The following DLC1 variants were observed in gnomAD, a reference collection of about 807,000 sequenced individuals.
The protein encoded by DLC1 is DLC1 Rho GTPase activating protein.
A neutral mutation model predicts 140.3 loss-of-function variants in DLC1; 54 were observed. The ratio of observed to expected loss-of-function variants is 0.38; its 90% CI spans 0.31 to 0.48. The LOEUF is 0.48. DLC1 is among the 20% of genes least tolerant of loss of function. The probability of loss-of-function intolerance (pLI) is 0.96; values close to 1 mark genes in which losing one functional copy is unlikely to be tolerated. For missense variants in DLC1, 2,536 were observed against 1,907.0 expected (o/e 1.33, Z -6.14); for synonymous variants, 986 against 728.1 (o/e 1.35, Z -5.70).
intron 1 of DLC1, among the ~76,000 whole-genome samples, chr8:13,587,995 C>A (rs974173477): frequency 6.6e-6 from 1 of 152,014 alleles, no homozygotes; most frequent in Non-Finnish European, 1.5e-5. Context: ...AGATCAAATT[C>A]CAAAGTCATT....
chr8:13,244,029 A>G (rs1421628388), intron 5 of DLC1, among the ~76,000 whole-genome samples: 5 of 152,186 alleles, frequency 3.3e-5, no homozygotes, highest in African/African-American at 1.2e-4. Flanking sequence ...CATTCCTTCA[A>G]GCACCCAAGG....
intron 4 of DLC1, among the ~76,000 whole-genome samples, chr8:13,368,816 TC>T (rs1835606116): frequency 6.6e-6 from 1 of 152,102 alleles, no homozygotes; most frequent in Non-Finnish European, 1.5e-5. Context: ...TCAGTCCATC[TC>T]TGATGATGGT....
chr8:13,143,481 G>C (rs2128972496), intron 5 of DLC1, among the ~76,000 whole-genome samples: 1 of 152,170 alleles, frequency 6.6e-6, no homozygotes, highest in Admixed American at 6.5e-5. Flanking sequence ...TTTGAGACAG[G>C]GTCTCAATCT....
chr8:13,155,127 C>T (rs1047993294), intron 5 of DLC1, among the ~76,000 whole-genome samples: 6 of 124,846 alleles, frequency 4.8e-5, no homozygotes, highest in South Asian at 2.6e-4. Context: ...CTACAACTTG[C>T]GCTGCTTTTT....
At chr8:13,116,077 T>C (rs1379986413) in intron 5 of DLC1, 2 of 935,918 alleles carry the variant, frequency 2.1e-6, no homozygotes, top group Non-Finnish European at 1.3e-6. Flanking sequence ...CACGCTAAAA[T>C]AGAATTTATC....
intron 5 of DLC1, among the ~76,000 whole-genome samples, chr8:13,186,642 C>G (rs554498809): frequency 6.6e-6 from 1 of 152,188 alleles, no homozygotes; most frequent in Non-Finnish European, 1.5e-5. Context: ...CTTCTGAAGC[C>G]TACTTCTGTC....
intron 1 of DLC1, among the ~76,000 whole-genome samples, chr8:13,531,412 C>G (rs768891504): frequency 6.6e-6 from 1 of 152,004 alleles, no homozygotes; most frequent in South Asian, 2.1e-4. Context: ...ATGGTGAAAC[C>G]CCATCTCTAC....
At position 13,587,602 on chromosome 8, in the gene DLC1, C is replaced by CATATATATAT. The variant is rs3066503; in HGVS notation, c.-126+16925_-126+16934dup. Among the ~76,000 whole-genome samples, 6 of 142,094 alleles carry CATATATATAT rather than the reference C, an allele frequency of 4.2e-5. No homozygotes were observed. The East Asian group carries it at 6.2e-4, about 15-fold the overall frequency. The allele number at this position is 142,094 out of a possible 152,430, so 93.2% of individuals were successfully genotyped here. A position where few individuals can be genotyped will look rare whatever the true frequency, so the allele number is the denominator to read the frequency against. ...AGAAAATATATATATATATACATTG[C>CATATATATAT]ATATATATATATATATATATATACA... On this transcript the variant is annotated intron_variant, in intron 1 of 1. Transcript: ENST00000631382.
intron 2 of DLC1, among the ~76,000 whole-genome samples, chr8:13,415,103 C>A (rs980452868): frequency 4.6e-5 from 7 of 152,062 alleles, no homozygotes; most frequent in African/African-American, 1.7e-4. Flanking sequence ...TGAGCCACTG[C>A]GCCTGGCCCA....
In DLC1 at chr8:13,468,287, G is replaced by A. The variant is rs1054524081; in HGVS notation, c.1023+30762C>T. Among the ~76,000 whole-genome samples the A allele has an allele frequency of 1.6e-4, 24 of 149,924 alleles. 1 individual carries two copies. The Admixed American group carries it at 1.6e-3, about 10-fold the overall frequency. On this transcript the variant is annotated intron_variant, in intron 2 of 17. Coordinates refer to ENST00000276297, the MANE Select transcript of DLC1 (RefSeq NM_182643.3). ...TTACCTTCTTAATCTTTACTTCATCGGTAATAATAGTTCTTTTTTCCTTTC... is the reference window on the plus strand; with the variant it reads ...TTACCTTCTTAATCTTTACTTCATCAGTAATAATAGTTCTTTTTTCCTTTC...
intron 14 of DLC1, among the ~76,000 whole-genome samples, chr8:13,090,737 A>C (rs916513592): frequency 6.6e-6 from 1 of 152,036 alleles, no homozygotes; most frequent in Non-Finnish European, 1.5e-5. Context: ...TGGTCAAAGC[A>C]GGTTTCTCAG....
intron 2 of DLC1, among the ~76,000 whole-genome samples, chr8:13,447,680 AG>A (rs1798842807): frequency 6.6e-6 from 1 of 152,230 alleles, no homozygotes; most frequent in Non-Finnish European, 1.5e-5. Context: ...CAAAGAGGGT[AG>A]GTGAAGATTA....
chr8:13,572,888 G>T lies in DLC1; in HGVS notation c.-126+31649C>A, dbSNP rs114018745. On this transcript the variant is annotated intron_variant, in intron 1 of 1. Transcript: ENST00000631382. Reference sequence around the variant, plus strand: ...TAATATTTTTATTACTGTGCTTTGAGTAAGTTTTGAAATCATGAAACATGG... The same window carrying T: ...TAATATTTTTATTACTGTGCTTTGATTAAGTTTTGAAATCATGAAACATGG... Among the ~76,000 whole-genome samples, 1,317 of 152,220 alleles carry T rather than the reference G, an allele frequency of 8.7e-3. 17 individuals carry two copies. Among genetic ancestry groups the T allele is most frequent in the African/African-American group, 0.03 (1,239 of 41,542 alleles).
chr8:13,136,794 CAA>C (rs1419791196), intron 5 of DLC1, among the ~76,000 whole-genome samples: 2 of 152,180 alleles, frequency 1.3e-5, no homozygotes, highest in African/African-American at 4.8e-5. Context: ...CTTGGCCTCC[CAA>C]AGTGTTGGGA....
At chr8:13,231,719 G>A (rs904583505) in intron 5 of DLC1, among the ~76,000 whole-genome samples, 2 of 152,146 alleles carry the variant, frequency 1.3e-5, no homozygotes, top group African/African-American at 4.8e-5. Flanking sequence ...AAAGTCACAA[G>A]GCATACATTA....
intron 5 of DLC1, among the ~76,000 whole-genome samples, chr8:13,222,234 T>G (rs1828592653): frequency 6.6e-6 from 1 of 152,050 alleles, no homozygotes; most frequent in African/African-American, 2.4e-5. Context: ...ACTCACTTTT[T>G]GCTATCATAA....
chr8:13,412,777 A>G (rs1311338920), intron 2 of DLC1, among the ~76,000 whole-genome samples: 1 of 151,840 alleles, frequency 6.6e-6, no homozygotes, highest in Non-Finnish European at 1.5e-5. Context: ...CTAAAAATAC[A>G]AAAAATTAGC....
chr8:13,115,443 G>C, intron 6 of DLC1, 143 bp downstream of exon 6: 4 of 745,688 alleles, frequency 5.4e-6, no homozygotes, highest in Non-Finnish European at 6.2e-6. Flanking sequence ...TCAGCGGTGG[G>C]GGTCTTGCAT....
intron 4 of DLC1, among the ~76,000 whole-genome samples, chr8:13,352,581 A>G (rs989693486): frequency 1.3e-5 from 2 of 152,108 alleles, no homozygotes; most frequent in African/African-American, 4.8e-5. Context: ...GGGCCTCCCT[A>G]TGTTGCCCAG....
Sources: allele counts gnomAD v4.1 joint callset (sites outside exome capture counted in the v4.1 genomes callset), GRCh38; gene constraint gnomAD v4.1.1; transcripts MANE v1.5; gene names NCBI Gene and HGNC (gene_info 2026-07-23, HGNC 2026-07-21).